Variants in DCDC2 observed in about 807,000 individuals in gnomAD.
The protein encoded by DCDC2 is doublecortin domain-containing protein 2.
Under a neutral mutation model 50.2 loss-of-function variants are expected in DCDC2, and 40 were observed. The ratio of observed to expected loss-of-function variants is 0.80; its 90% confidence interval spans 0.62 to 1.04. DCDC2 has a LOEUF of 1.04. DCDC2 is among the 50% of genes least tolerant of loss of function. The pLI, the probability that DCDC2 is intolerant of heterozygous loss-of-function variation, is 0.00. For missense variants in DCDC2, 570 were observed against 581.9 expected, an observed-to-expected ratio of 0.98 and a Z score of 0.21; for synonymous variants, 234 against 210.6, an observed-to-expected ratio of 1.11 and a Z score of -0.96.
upstream of DCDC2, among the ~76,000 whole-genome samples, chr6:24,358,956 TA>T (rs1760565420): frequency 1.3e-5 from 1 of 76,480 alleles, no homozygotes; most frequent in East Asian, 4.0e-4. Context: ...ATATATTATA[TA>T]TTATATATTA....
chr6:24,321,203 A>G (rs1436354582), intron 2 of DCDC2, among the ~76,000 whole-genome samples: 12 of 148,404 alleles, frequency 8.1e-5, no homozygotes, highest in East Asian at 2.0e-4. Flanking sequence ...TAGAAGAAAT[A>G]ATGAAAATAG....
At chr6:24,259,023 T>C (rs1762953964) in intron 7 of DCDC2, among the ~76,000 whole-genome samples, 1 of 152,194 alleles carries the variant, frequency 6.6e-6, no homozygotes, top group Non-Finnish European at 1.5e-5. Context: ...GAAATTCCTT[T>C]TCAGAGAACT....
chr6:24,174,858 A>G (rs769834353), intron 9 of DCDC2, 24 bp from the exon 10 acceptor site: 5 of 1,523,376 alleles, frequency 3.3e-6, no homozygotes, highest in Non-Finnish European at 4.5e-6. Flanking sequence ...GATCAAAACA[A>G]AGGTATTCAG....
chr6:24,239,525 G>A (rs939179436), intron 7 of DCDC2, among the ~76,000 whole-genome samples: 2 of 152,210 alleles, frequency 1.3e-5, no homozygotes, highest in Non-Finnish European at 2.9e-5. Flanking sequence ...AGGCAGGCAT[G>A]TGACCCAGCT....
At chr6:24,302,212 A>G (rs28942668) in intron 2 of DCDC2, among the ~76,000 whole-genome samples, 168 bp from the exon 3 acceptor site, 2 of 151,526 alleles carry the variant, frequency 1.3e-5, no homozygotes, top group Non-Finnish European at 2.9e-5. Context: ...CCCTTTAGCA[A>G]TATTATAAGC....
intron 2 of DCDC2, among the ~76,000 whole-genome samples, chr6:24,350,286 A>G (rs1760343551): frequency 6.6e-6 from 1 of 152,146 alleles, no homozygotes; most frequent in South Asian, 2.1e-4. Context: ...AACTACGTAA[A>G]AGCAACAAAT....
intron 6 of DCDC2, among the ~76,000 whole-genome samples, chr6:24,284,040 G>A (rs140769061): frequency 6.6e-6 from 1 of 152,278 alleles, no homozygotes; most frequent in African/African-American, 2.4e-5. Flanking sequence ...TTTCTGGAAT[G>A]TAACCTCCGT....
At position 24,207,094 on chromosome 6, in the gene DCDC2, C is replaced by T. The variant is rs1483984754; in HGVS notation, c.923-1992G>A. Among the ~76,000 whole-genome samples the T allele has an allele frequency of 4.6e-5, 7 of 152,066 alleles. 1 individual carries two copies. The highest frequency in any genetic ancestry group is 8.8e-5 in the Non-Finnish European group (6 of 68,016). On this transcript the variant is annotated intron_variant, in intron 7 of 9. Transcript: ENST00000378454. ...AATTAAAGGCAGAATATTAATTTTT[C>T]GAGAAAACTATTTTAAATAGTATTT...
chr6:24,297,520 A>G (rs1041810993), intron 4 of DCDC2, among the ~76,000 whole-genome samples: 2 of 152,178 alleles, frequency 1.3e-5, no homozygotes, highest in Non-Finnish European at 2.9e-5. Context: ...CAACATAACT[A>G]TACTTTCATT....
intron 1 of DCDC2, among the ~76,000 whole-genome samples, chr6:24,354,128 C>T (rs1409898907): frequency 6.6e-6 from 1 of 152,110 alleles, no homozygotes; most frequent in East Asian, 1.9e-4. Flanking sequence ...ATTGGTTCAG[C>T]TAAGAAACAG....
Position 24,357,828 on chromosome 6 carries a change from C to A in DCDC2, c.-78G>T, listed in dbSNP as rs766491636. The A allele has an allele frequency of 1.2e-6, 2 of 1,602,338 alleles. No individual in the cohort carries two copies. The highest frequency in any genetic ancestry group is 1.7e-6 in the Non-Finnish European group (2 of 1,173,116). ...CGCTGTCCCAGCGGCCTCACCGCAC[C>A]CAGGGCGCGGGATCGCCTCCTGAAA... On this transcript the variant is annotated 5_prime_UTR_variant, in exon 1 of 10. Transcript: ENST00000378454.
intron 8 of DCDC2, among the ~76,000 whole-genome samples, chr6:24,181,070 C>T (rs1419460691): frequency 1.3e-5 from 2 of 152,106 alleles, no homozygotes; most frequent in African/African-American, 2.4e-5. Context: ...ACACCGTGAG[C>T]CTAGGCTGTT....
At chr6:24,370,801 T>C in the DCDC2 span, among the ~76,000 whole-genome samples, 18,119 of 152,208 alleles carry the variant, frequency 0.12, 1,458 homozygotes, top group East Asian at 0.17. Flanking sequence ...ACATGAATGT[T>C]CATAGAAGCA....
intron 7 of DCDC2, among the ~76,000 whole-genome samples, chr6:24,227,540 C>G (rs1273218336): frequency 6.6e-6 from 1 of 152,206 alleles, no homozygotes; most frequent in Non-Finnish European, 1.5e-5. Flanking sequence ...GAGGGTTAAT[C>G]AGAGACCCTG....
At chr6:24,181,032 C>T (rs1761060314) in intron 8 of DCDC2, among the ~76,000 whole-genome samples, 1 of 152,148 alleles carries the variant, frequency 6.6e-6, no homozygotes, top group South Asian at 2.1e-4. Context: ...GAAAAAACCA[C>T]AATGTTTGTC....
intron 7 of DCDC2, among the ~76,000 whole-genome samples, chr6:24,215,022 C>T (rs1366619480): frequency 1.3e-5 from 2 of 152,084 alleles, no homozygotes; most frequent in Non-Finnish European, 2.9e-5. Context: ...GTATTATCTA[C>T]CGGGGGGTCA....
At chr6:24,348,332 T>G (rs541082422) in intron 2 of DCDC2, among the ~76,000 whole-genome samples, 44 of 152,232 alleles carry the variant, frequency 2.9e-4, no homozygotes, top group Admixed American at 7.2e-4. Flanking sequence ...ATAAGAGAAG[T>G]TTATCCAATA....
At chr6:24,276,618 A>G (rs1244590126) in intron 7 of DCDC2, among the ~76,000 whole-genome samples, 1 of 152,132 alleles carries the variant, frequency 6.6e-6, no homozygotes, top group East Asian at 1.9e-4. Flanking sequence ...TCTAGTATCT[A>G]TTAATTTTTT....
chr6:24,382,559 G>T, the DCDC2 span, among the ~76,000 whole-genome samples: 1 of 152,088 alleles, frequency 6.6e-6, no homozygotes, highest in Non-Finnish European at 1.5e-5. Context: ...GAGTTTGCTG[G>T]TTTTTTGTTG....
Sources: allele counts gnomAD v4.1 joint callset (sites outside exome capture counted in the v4.1 genomes callset), GRCh38; gene constraint gnomAD v4.1.1; transcripts MANE v1.5; gene names NCBI Gene and HGNC (gene_info 2026-07-23, HGNC 2026-07-21).